Variants in CSMD3 observed in about 807,000 individuals in gnomAD.
The protein encoded by CSMD3 is CUB and sushi domain-containing protein 3.
A neutral mutation model predicts 435.2 loss-of-function variants in CSMD3; 177 were observed. That is an observed-to-expected ratio of 0.41 (90% CI 0.36 to 0.46). The LOEUF is 0.46. Among genes scored for constraint, CSMD3 ranks in the 20% least tolerant of loss-of-function variants. The pLI, the probability that CSMD3 is intolerant of heterozygous loss-of-function variation, is 0.34. For synonymous variants in CSMD3, 1,656 were observed against 1,520.5 expected (o/e 1.09, Z -2.07); for missense variants, 4,265 against 4,504.6 (o/e 0.95, Z 1.52).
Position 112,573,490 on chromosome 8 carries a change from A to G in CSMD3, c.4042+11T>C, listed in dbSNP as rs775554493. The G allele has an allele frequency of 6.2e-7, 1 of 1,610,284 alleles. No homozygotes were observed. The highest frequency in any genetic ancestry group is 8.5e-7 in the Non-Finnish European group (1 of 1,176,840). ...CAGTGTTTGGCCATTTTACTCTTCTAAAATACTTACTGGTATACACAAGTT... is the reference window on the plus strand; with the variant it reads ...CAGTGTTTGGCCATTTTACTCTTCTGAAATACTTACTGGTATACACAAGTT... On this transcript the variant is annotated intron_variant, in intron 24 of 70. Transcript: ENST00000297405.
intron 3 of CSMD3, among the ~76,000 whole-genome samples, chr8:113,209,724 A>T (rs2092810370): frequency 6.6e-6 from 1 of 152,076 alleles, no homozygotes; most frequent in African/African-American, 2.4e-5. Context: ...ACAAAATTTA[A>T]TTTTCTCTAA....
At position 113,374,818 on chromosome 8, in the gene CSMD3, T is replaced by TAAAAAA. The variant is rs1215451792; in HGVS notation, c.179-60031_179-60026dup. On this transcript the variant is annotated intron_variant, in intron 1 of 70. Transcript: ENST00000297405. ...CCATATGCACCTTGTTGTTAAAAAG[T>TAAAAAA]AAAAAAAAAAAAAAAAAAAAAAAAA... Among the ~76,000 whole-genome samples, 181 of 28,012 alleles carry TAAAAAA rather than the reference T, an allele frequency of 6.5e-3. 4 individuals are homozygous for TAAAAAA. The highest frequency in any genetic ancestry group is 0.02 in the African/African-American group (167 of 8,340). The allele number at this position is 28,012 out of a possible 152,430, so 18.4% of individuals were successfully genotyped here.
Position 112,975,842 on chromosome 8 carries a change from TGAGTA to T in CSMD3, c.1332_1336del (p.Thr445Ter), listed in dbSNP as rs1416377311. The T allele has an allele frequency of 6.2e-7, 1 of 1,613,012 alleles. No homozygotes were observed. The highest frequency in any genetic ancestry group is 1.3e-5 in the African/African-American group (1 of 74,884). ...AGTAAAATAACATCCAATACCTCTA[TGAGTA>T]ACAACTGCAAGCTCTTTAGTTCTTT... On this transcript the variant is annotated frameshift_variant, in exon 7 of 71. Coordinates refer to ENST00000297405, the MANE Select transcript of CSMD3 (RefSeq NM_198123.2). LOFTEE classifies it high-confidence loss of function.
chr8:112,289,021 T>C (rs1469487834), intron 57 of CSMD3, among the ~76,000 whole-genome samples: 1 of 152,098 alleles, frequency 6.6e-6, no homozygotes, highest in Non-Finnish European at 1.5e-5. Context: ...TTATATGTGG[T>C]ATCTGCTAAA....
chr8:113,002,493 C>A (rs560999628), intron 6 of CSMD3, among the ~76,000 whole-genome samples: 98 of 152,112 alleles, frequency 6.4e-4, no homozygotes, highest in African/African-American at 2.2e-3. Context: ...TTTAATGATG[C>A]AATTAGCTTC....
intron 16 of CSMD3, among the ~76,000 whole-genome samples, chr8:112,668,363 C>A (rs1194019339): frequency 6.6e-6 from 1 of 152,176 alleles, no homozygotes; most frequent in East Asian, 1.9e-4. Context: ...TGACATAAAT[C>A]TTTATTATGT....
intron 3 of CSMD3, among the ~76,000 whole-genome samples, chr8:113,206,619 C>A (rs1277558502): frequency 6.6e-6 from 1 of 152,246 alleles, no homozygotes; most frequent in East Asian, 1.9e-4. Context: ...ACCCTTCAAC[C>A]TTTTCCTCAG....
intron 1 of CSMD3, among the ~76,000 whole-genome samples, chr8:113,414,710 C>T (rs2094574489): frequency 6.7e-6 from 1 of 149,550 alleles, no homozygotes; most frequent in South Asian, 2.1e-4. Flanking sequence ...CCTGTAATCC[C>T]AGAACTTTGG....
intron 3 of CSMD3, among the ~76,000 whole-genome samples, chr8:113,185,712 T>A (rs1446852878): frequency 6.6e-6 from 1 of 152,092 alleles, no homozygotes; most frequent in Non-Finnish European, 1.5e-5. Flanking sequence ...CAAATCTGTA[T>A]ATTTTGGTGT....
chr8:112,345,096 A>C (rs1825537226), intron 41 of CSMD3, among the ~76,000 whole-genome samples: 2 of 152,136 alleles, frequency 1.3e-5, no homozygotes, highest in South Asian at 4.1e-4. Context: ...CAGTCTATAC[A>C]TCTCTATATA....
intron 22 of CSMD3, among the ~76,000 whole-genome samples, chr8:112,629,952 C>T (rs2074468826): frequency 6.6e-6 from 1 of 152,116 alleles, no homozygotes; most frequent in Non-Finnish European, 1.5e-5. Context: ...ATGAAGTAAG[C>T]AGCTGTATTG....
intron 5 of CSMD3, among the ~76,000 whole-genome samples, chr8:113,034,462 A>T (rs2087254353): frequency 6.6e-6 from 1 of 151,916 alleles, no homozygotes; most frequent in Non-Finnish European, 1.5e-5. Context: ...TTTATATAGA[A>T]CAATCAGAAT....
At chr8:112,840,489 C>T (rs1248908847) in intron 11 of CSMD3, among the ~76,000 whole-genome samples, 1 of 151,448 alleles carries the variant, frequency 6.6e-6, no homozygotes. Flanking sequence ...GTTTGAGTGA[C>T]CATAGTAATA....
At chr8:113,287,680 G>A (rs946621047) in intron 2 of CSMD3, among the ~76,000 whole-genome samples, 1 of 151,976 alleles carries the variant, frequency 6.6e-6, no homozygotes, top group Admixed American at 6.6e-5. Context: ...GATTTGGAAT[G>A]TGAATAAAAG....
intron 30 of CSMD3, among the ~76,000 whole-genome samples, chr8:112,499,530 C>T (rs988900236): frequency 4.0e-5 from 6 of 151,870 alleles, no homozygotes; most frequent in African/African-American, 1.5e-4. Flanking sequence ...TAAATATTAA[C>T]GATATAATAG....
intron 1 of CSMD3, among the ~76,000 whole-genome samples, chr8:113,405,516 C>G (rs188158100): frequency 5.3e-4 from 80 of 151,580 alleles, no homozygotes; most frequent in African/African-American, 1.8e-3. Context: ...GTTTTAAAAA[C>G]CTGGAAATTA....
chr8:112,757,978 CCCAGGAGTT>C (rs1243935339), intron 13 of CSMD3, among the ~76,000 whole-genome samples: 1 of 152,090 alleles, frequency 6.6e-6, no homozygotes, highest in Non-Finnish European at 1.5e-5. Context: ...ATCCTTTAAG[CCCAGGAGTT>C]CCAGGCTGCA....
intron 35 of CSMD3, among the ~76,000 whole-genome samples, chr8:112,401,390 T>A (rs2129925983): frequency 6.6e-6 from 1 of 152,194 alleles, no homozygotes; most frequent in East Asian, 1.9e-4. Context: ...CCCATCTATA[T>A]CTTGCCTCTT....
intron 13 of CSMD3, among the ~76,000 whole-genome samples, chr8:112,691,301 T>C (rs1404158749): frequency 6.6e-6 from 1 of 152,146 alleles, no homozygotes; most frequent in Non-Finnish European, 1.5e-5. Context: ...TCAGGGACAT[T>C]GGTCTATAAC....
Sources: allele counts gnomAD v4.1 joint callset (sites outside exome capture counted in the v4.1 genomes callset), GRCh38; gene constraint gnomAD v4.1.1; transcripts MANE v1.5; gene names NCBI Gene and HGNC (gene_info 2026-07-23, HGNC 2026-07-21).